DUSP16: variants seen among roughly 807,000 people sequenced by gnomAD.
The protein encoded by DUSP16 is dual specificity phosphatase 16, also known as dual specificity protein phosphatase 16.
In DUSP16, 21 loss-of-function variants were observed where a neutral mutation model predicts 58.3. The ratio of observed to expected loss-of-function variants is 0.36; its 90% CI spans 0.26 to 0.52. DUSP16 has a LOEUF of 0.52. DUSP16 is among the 20% of genes least tolerant of loss of function. DUSP16 has a pLI of 0.94. For missense variants in DUSP16, 726 were observed against 819.0 expected (o/e 0.89, Z 1.39); for synonymous variants, 320 against 323.8 (o/e 0.99, Z 0.12).
chr12:12,492,985 G>A (rs766422530), intron 4 of DUSP16, among the ~76,000 whole-genome samples: 9 of 152,174 alleles, frequency 5.9e-5, no homozygotes, highest in Non-Finnish European at 1.2e-4. Context: ...CAGGGTGGGA[G>A]TGCTCACGGC....
At chr12:12,547,082 C>T (rs1386897600) in intron 1 of DUSP16, among the ~76,000 whole-genome samples, 1 of 152,068 alleles carries the variant, frequency 6.6e-6, no homozygotes, top group African/African-American at 2.4e-5. Flanking sequence ...CTGTTCTTAA[C>T]AGAAATAAAA....
intron 1 of DUSP16, among the ~76,000 whole-genome samples, chr12:12,558,708 T>G (rs576167560): frequency 3.3e-5 from 5 of 152,270 alleles, no homozygotes; most frequent in South Asian, 4.1e-4. Flanking sequence ...AAAAAAATCT[T>G]GTGACTTTGT....
Position 12,477,694 on chromosome 12 carries a change from C to T in DUSP16, c.1137G>A (p.Ala379=), listed in dbSNP as rs150065682. 1,293 of 1,613,362 alleles carry T rather than the reference C, an allele frequency of 8.0e-4. 11 individuals are homozygous for T. In the African/African-American group the frequency reaches 0.013, roughly 17 times the overall value. ...SLLEDSPLVQ[A]LSGLHLSADR... is the part of the protein sequence containing the mutation. The stretch of plus-strand genomic sequence containing the variant: ...CTGCGGACAGGTGCAGCCCACTGAG[C>T]GCCTGTACCAGCGGGCTGTCCTCTA... The change falls in exon 7 of 7, where the codon GCG becomes GCA. Residue 379 remains alanine (A), a synonymous_variant. Transcript: ENST00000298573. This position sits in a 1 kb window ranked among gnomAD's most constrained non-coding sequence, Gnocchi z 4.1.
At chr12:12,549,767 CTTTT>C (rs1566055233) in intron 1 of DUSP16, among the ~76,000 whole-genome samples, 1 of 107,602 alleles carries the variant, frequency 9.3e-6, no homozygotes, top group South Asian at 3.7e-4. Flanking sequence ...GGCCACAGTG[CTTTT>C]TTATTAAAAA....
chr12:12,503,307 C>G (rs1330754493), intron 3 of DUSP16, among the ~76,000 whole-genome samples: 1 of 148,424 alleles, frequency 6.7e-6, no homozygotes, highest in South Asian at 2.2e-4. Context: ...CTCACTGCAA[C>G]CTCCGCTTCC....
chr12:12,528,584 T>C (rs573598234), intron 1 of DUSP16, among the ~76,000 whole-genome samples: 9 of 152,214 alleles, frequency 5.9e-5, no homozygotes, highest in Non-Finnish European at 1.2e-4. Context: ...TCAGGCCTAC[T>C]GTAACTAATT....
chr12:12,486,083 G>A (rs895529121), intron 5 of DUSP16, among the ~76,000 whole-genome samples: 8 of 152,096 alleles, frequency 5.3e-5, no homozygotes, highest in Admixed American at 1.3e-4. Context: ...GTGACCCACC[G>A]CGCCTGGCCA....
rs977330065 is a variant in DUSP16 at position 12,475,816 on chromosome 12, A to T, written c.*1017T>A. The T allele has an allele frequency of 6.6e-6, 1 of 152,244 alleles. No homozygotes were observed. Among genetic ancestry groups the T allele is most frequent in the Non-Finnish European group, 1.5e-5 (1 of 68,042 alleles). The allele number at this position is 152,244 out of a possible 1,614,324, so 9.4% of individuals were successfully genotyped here. A position where few individuals can be genotyped will look rare whatever the true frequency, so the allele number is the denominator to read the frequency against. ...ACTGTATCCATGCAGTGAAGCAGAA[A>T]GGGCAAAAACATCTGCTTTGGCTGA... On this transcript the variant is annotated 3_prime_UTR_variant, in exon 7 of 7. Coordinates refer to ENST00000298573, the MANE Select transcript of DUSP16 (RefSeq NM_030640.3).
intron 1 of DUSP16, among the ~76,000 whole-genome samples, chr12:12,547,054 C>T (rs1944650377): frequency 6.6e-6 from 1 of 152,152 alleles, no homozygotes; most frequent in Non-Finnish European, 1.5e-5. Flanking sequence ...CTTCTTTATA[C>T]CTGGCATGAA....
At chr12:12,541,525 G>A (rs1336571733) in intron 1 of DUSP16, among the ~76,000 whole-genome samples, 1 of 152,156 alleles carries the variant, frequency 6.6e-6, no homozygotes, top group Non-Finnish European at 1.5e-5. Flanking sequence ...TAGGTAAATG[G>A]CATAAATTCT....
intron 1 of DUSP16, among the ~76,000 whole-genome samples, chr12:12,534,457 T>C (rs1944437540): frequency 6.6e-6 from 1 of 152,200 alleles, no homozygotes. Flanking sequence ...TCTGTCCTCA[T>C]CCCTTGGTTA....
chr12:12,527,887 G>A (rs1463043271), intron 1 of DUSP16, among the ~76,000 whole-genome samples: 1 of 152,156 alleles, frequency 6.6e-6, no homozygotes, highest in Non-Finnish European at 1.5e-5. Context: ...GGTTCAGGTT[G>A]TTTACATACA....
intron 1 of DUSP16, among the ~76,000 whole-genome samples, chr12:12,538,514 G>A (rs1944505008): frequency 1.3e-5 from 2 of 152,202 alleles, no homozygotes; most frequent in South Asian, 4.1e-4. Flanking sequence ...TCTAGGGAGT[G>A]TGCTTTCCAC....
At position 12,473,921 on chromosome 12, in the gene DUSP16, G is replaced by C. The variant is rs756644976; in HGVS notation, c.*2912C>G. ...GCCTTTTTTTTCCTACCATGTACTTGTGTGTTCTGGAATCAGTCAGCTAGA... is the reference window on the plus strand; with the variant it reads ...GCCTTTTTTTTCCTACCATGTACTTCTGTGTTCTGGAATCAGTCAGCTAGA... On this transcript the variant is annotated 3_prime_UTR_variant, in exon 7 of 7. Transcript: ENST00000298573. 1.3e-5 allele frequency among the ~76,000 whole-genome samples: 2 copies of C among 152,168 alleles called. No individual in the cohort carries two copies. The highest frequency in any genetic ancestry group is 3.9e-4 in the East Asian group (2 of 5,180).
intron 1 of DUSP16, among the ~76,000 whole-genome samples, chr12:12,526,503 G>A (rs1318640055): frequency 6.6e-6 from 1 of 152,166 alleles, no homozygotes; most frequent in East Asian, 1.9e-4. Flanking sequence ...ATGTTAAAGT[G>A]AACAGGTAGG....
At position 12,539,599 on chromosome 12, in the gene DUSP16, G is replaced by C. The variant is rs545681874; in HGVS notation, c.-365-18136C>G. Among the ~76,000 whole-genome samples the C allele has an allele frequency of 4.6e-5, 7 of 152,096 alleles. No individual in the cohort carries two copies. In the South Asian group the frequency reaches 6.2e-4, roughly 14 times the overall value. ...ACTAACGGCTAATCACCATCACAAG[G>C]GCATACAGCCCTTTAGAATTCCTCT... On this transcript the variant is annotated intron_variant, in intron 1 of 6. Coordinates refer to ENST00000298573, the MANE Select transcript of DUSP16 (RefSeq NM_030640.3).
intron 5 of DUSP16, among the ~76,000 whole-genome samples, chr12:12,483,392 CTTTT>C (rs143712384): frequency 6.6e-6 from 1 of 151,770 alleles, no homozygotes; most frequent in Non-Finnish European, 1.5e-5. Context: ...TTTTGGTTTA[CTTTT>C]TTTCTTTTTT....
At chr12:12,500,413 G>T in intron 4 of DUSP16, 106 bp downstream of exon 4, 1 of 1,326,718 alleles carries the variant, frequency 7.5e-7, no homozygotes, top group Non-Finnish European at 1.0e-6. Context: ...GAATGGCATA[G>T]CAGCTCCTGA....
At chr12:12,548,503 G>A (rs1469266786) in intron 1 of DUSP16, among the ~76,000 whole-genome samples, 3 of 151,516 alleles carry the variant, frequency 2.0e-5, no homozygotes, top group Non-Finnish European at 2.9e-5. Flanking sequence ...CTGGTGGCAC[G>A]TGCCTGTAAT....
Sources: allele counts gnomAD v4.1 joint callset (sites outside exome capture counted in the v4.1 genomes callset), GRCh38; gene constraint gnomAD v4.1.1; non-coding constraint Gnocchi (gnomAD v3.1); transcripts MANE v1.5; gene names NCBI Gene and HGNC (gene_info 2026-07-23, HGNC 2026-07-21).